The following MSTO1 variants were observed in gnomAD, a reference collection of about 807,000 sequenced individuals.
The protein encoded by MSTO1 is misato mitochondrial distribution and morphology regulator 1.
A neutral mutation model predicts 55.7 loss-of-function variants in MSTO1; 24 were observed. That is an observed-to-expected ratio of 0.43 (90% CI 0.31 to 0.61). The LOEUF (loss-of-function observed/expected upper bound fraction) is 0.61, where lower values mean the gene tolerates loss of function less well. Ranked by LOEUF, MSTO1 falls within the 20% of genes least tolerant of loss-of-function variation. The pLI, the probability that MSTO1 is intolerant of heterozygous loss-of-function variation, is 0.09. For missense variants in MSTO1, 363 were observed against 625.7 expected (o/e 0.58, Z 4.48); for synonymous variants, 162 against 252.8 (o/e 0.64, Z 3.41).
At chr1:155,597,238 G>A in the MSTO1 span, among the ~76,000 whole-genome samples, 1 of 152,126 alleles carries the variant, frequency 6.6e-6, no homozygotes, top group South Asian at 2.1e-4. Flanking sequence ...GGAGGCCAAC[G>A]CAGGCGGATC....
the MSTO1 span, among the ~76,000 whole-genome samples, chr1:155,604,759 C>T: frequency 1.3e-5 from 2 of 152,090 alleles, no homozygotes; most frequent in Non-Finnish European, 1.5e-5. Context: ...CCTGTAGTCC[C>T]AGCTACTTGG....
At chr1:155,567,280 C>T in the MSTO1 span, among the ~76,000 whole-genome samples, 4 of 151,420 alleles carry the variant, frequency 2.6e-5, no homozygotes, top group Non-Finnish European at 4.4e-5. Flanking sequence ...TGTGTCACCA[C>T]GCCTGTCTAA....
the MSTO1 span, among the ~76,000 whole-genome samples, chr1:155,568,189 C>T: frequency 1.3e-5 from 2 of 150,356 alleles, no homozygotes; most frequent in South Asian, 2.1e-4. Flanking sequence ...AAGCGGTTCT[C>T]CTGCCTCATC....
chr1:155,584,870 G>C, the MSTO1 span, among the ~76,000 whole-genome samples: 1 of 151,362 alleles, frequency 6.6e-6, no homozygotes, highest in East Asian at 2.0e-4. Context: ...CCTCCTATGT[G>C]GCTAGGACTA....
upstream of MSTO1, among the ~76,000 whole-genome samples, chr1:155,608,674 T>C (rs1673084939): frequency 6.6e-6 from 1 of 151,814 alleles, no homozygotes; most frequent in Non-Finnish European, 1.5e-5. Context: ...GGCTAATTGT[T>C]AGTATTTTTA....
At chr1:155,609,884 C>T (rs1673443109), upstream of MSTO1, 1 of 238,138 alleles carries the variant, frequency 4.2e-6, no homozygotes, top group Non-Finnish European at 8.2e-6. Context: ...TATCAGCCAG[C>T]GGAGAGATCT....
chr1:155,609,243 A>ATTTTTTTTT (rs1185140621), upstream of MSTO1, among the ~76,000 whole-genome samples: 6 of 54,588 alleles, frequency 1.1e-4, no homozygotes, highest in African/African-American at 2.2e-4. Context: ...ATATATATAT[A>ATTTTTTTTT]TTTTTTTTTT....
At chr1:155,590,803 T>C in the MSTO1 span, 1 of 1,606,602 alleles carries the variant, frequency 6.2e-7, no homozygotes. Context: ...CTTTTGGGCC[T>C]CAGCCACCAG....
In MSTO1 at chr1:155,613,147, A is replaced by G. The variant is rs762521884; in HGVS notation, c.1197A>G (p.Pro399=). 6 of 1,613,888 alleles carry G rather than the reference A, an allele frequency of 3.7e-6. No individual in the cohort carries two copies. The Admixed American group carries it at 5.0e-5, about 13-fold the overall frequency. The change falls in exon 11 of 14, where the codon CCA becomes CCG. Residue 399 remains proline (P), a synonymous_variant. Transcript: ENST00000245564. ...MQFGGATPWT[P]LSACGEPSGT... ...TTGGAGGAGCCACCCCATGGACCCC[A>G]CTGTCTGCATGTGGGGAGCCTTCTG...
the MSTO1 span, among the ~76,000 whole-genome samples, chr1:155,565,013 C>T: frequency 3.3e-5 from 5 of 151,886 alleles, no homozygotes; most frequent in East Asian, 1.9e-4. Context: ...CCCAGCTACT[C>T]GGGAGGCTGA....
At chr1:155,566,552 C>T in the MSTO1 span, among the ~76,000 whole-genome samples, 1 of 152,126 alleles carries the variant, frequency 6.6e-6, no homozygotes, top group Non-Finnish European at 1.5e-5. Flanking sequence ...CACACCACTG[C>T]ACTCCAGCCT....
At chr1:155,598,338 C>G in the MSTO1 span, among the ~76,000 whole-genome samples, 1 of 152,176 alleles carries the variant, frequency 6.6e-6, no homozygotes, top group Admixed American at 6.5e-5. Context: ...TGTTCTCGAA[C>G]TTCTGACTTC....
intron 4 of MSTO1, 21 bp downstream of exon 4, chr1:155,611,312 C>A (rs369719076): frequency 6.2e-7 from 1 of 1,613,706 alleles, no homozygotes; most frequent in Non-Finnish European, 8.5e-7. Context: ...CTGTCCTGAA[C>A]TTTTTAACCC....
the MSTO1 span, among the ~76,000 whole-genome samples, chr1:155,593,330 A>G: frequency 6.6e-6 from 1 of 152,222 alleles, no homozygotes; most frequent in Admixed American, 6.5e-5. Flanking sequence ...AGAGAAGGAG[A>G]TACGAAAATG....
the MSTO1 span, among the ~76,000 whole-genome samples, chr1:155,600,262 T>C: frequency 6.6e-6 from 1 of 152,236 alleles, no homozygotes; most frequent in African/African-American, 2.4e-5. Context: ...TGATGACTCT[T>C]AACGAGCATG....
At chr1:155,587,914 A>G in the MSTO1 span, among the ~76,000 whole-genome samples, 6 of 151,978 alleles carry the variant, frequency 3.9e-5, no homozygotes, top group Non-Finnish European at 8.8e-5. Context: ...GAAAATAACA[A>G]CTAGTTGCCA....
rs1674288082 is a variant in MSTO1, at chr1:155,612,221, G to A, written c.718G>A (p.Gly240Arg). The change falls in exon 8 of 14, where the codon GGG becomes AGG. Residue 240 changes from glycine (G) to arginine (R), a missense_variant. Transcript: ENST00000245564. The stretch of plus-strand genomic sequence containing the variant: ...GTGTGACCTGCACGATGGCTTCTCT[G>A]GGGTAGGCGCGAAGGCGGCAGAGCT... ...ILCDLHDGFS[G>R]VGAKAAELLQ... 1 of 1,610,600 alleles carries A rather than the reference G, an allele frequency of 6.2e-7. No individual in the cohort carries two copies.
the MSTO1 span, chr1:155,586,607 T>C: frequency 8.7e-6 from 4 of 460,996 alleles, no homozygotes; most frequent in East Asian, 2.3e-4. Context: ...GTTGCAAATA[T>C]TTTTTCCCAT....
At chr1:155,587,671 G>C in the MSTO1 span, among the ~76,000 whole-genome samples, 1 of 150,720 alleles carries the variant, frequency 6.6e-6, no homozygotes, top group African/African-American at 2.4e-5. Context: ...GTGAACCCGG[G>C]AGGCGGAGCT....
Sources: gnomAD v4.1 joint callset for allele counts (sites outside exome capture counted in the v4.1 genomes callset) on GRCh38, gnomAD v4.1.1 for gene constraint, MANE v1.5 for transcripts, NCBI Gene and HGNC (gene_info 2026-07-23, HGNC 2026-07-21) for gene names.